GARIN1B: variants seen among roughly 807,000 people sequenced by gnomAD.
The protein encoded by GARIN1B is golgi associated RAB2 interactor 1B, also known as Golgi-associated RAB2 interactor protein 1B.
the GARIN1B span, among the ~76,000 whole-genome samples, chr7:128,717,713 C>T: frequency 9.3e-5 from 14 of 150,362 alleles, no homozygotes; most frequent in Non-Finnish European, 1.3e-4. Context: ...TCCCAAAGTG[C>T]TGGGATTACG....
At chr7:128,726,884 A>C in the GARIN1B span, 1 of 1,613,136 alleles carries the variant, frequency 6.2e-7, no homozygotes, top group South Asian at 1.1e-5. Flanking sequence ...AAGGGAGGGC[A>C]CAGGGTACCA....
the GARIN1B span, among the ~76,000 whole-genome samples, chr7:128,728,313 G>A: frequency 0.019 from 2,886 of 152,140 alleles, 42 homozygotes; most frequent in South Asian, 0.05. Context: ...ATGATGGTGC[G>A]TACCTGTAGT....
the GARIN1B span, among the ~76,000 whole-genome samples, chr7:128,717,444 CT>C: frequency 0.34 from 46,138 of 136,276 alleles, 6,712 homozygotes; most frequent in Admixed American, 0.38. Flanking sequence ...TTCTTTCTTT[CT>C]TTTTTTTTTT....
the GARIN1B span, chr7:128,731,394 G>A: frequency 3.4e-5 from 18 of 526,464 alleles, no homozygotes; most frequent in Non-Finnish European, 5.5e-5. Context: ...GGAGTGAAAG[G>A]GAAGTAGGAC....
At chr7:128,724,678 G>A in the GARIN1B span, 3 of 1,273,222 alleles carry the variant, frequency 2.4e-6, no homozygotes, top group Non-Finnish European at 3.1e-6. Flanking sequence ...ATTACTTATG[G>A]TTTAATAGAA....
the GARIN1B span, among the ~76,000 whole-genome samples, chr7:128,727,901 T>G: frequency 5.3e-5 from 8 of 152,312 alleles, no homozygotes; most frequent in African/African-American, 1.9e-4. Flanking sequence ...ATTTCTTCAG[T>G]GAATACTAAA....
At chr7:128,711,421 G>T in the GARIN1B span, among the ~76,000 whole-genome samples, 1 of 151,890 alleles carries the variant, frequency 6.6e-6, no homozygotes, top group East Asian at 1.9e-4. Flanking sequence ...CTAAAAAGGG[G>T]AATATACTAG....
At chr7:128,730,562 A>G in the GARIN1B span, among the ~76,000 whole-genome samples, 1 of 152,052 alleles carries the variant, frequency 6.6e-6, no homozygotes, top group East Asian at 1.9e-4. Context: ...AGTACTTCCT[A>G]TGTGCCTCTG....
chr7:128,718,872 A>C, the GARIN1B span: 1 of 1,614,182 alleles, frequency 6.2e-7, no homozygotes, highest in Non-Finnish European at 8.5e-7. Context: ...GTATGTGACC[A>C]CTATCAACGC....
the GARIN1B span, among the ~76,000 whole-genome samples, chr7:128,709,913 G>A: frequency 2.0e-5 from 3 of 151,566 alleles, no homozygotes; most frequent in Admixed American, 6.6e-5. Flanking sequence ...CACCACGCCC[G>A]GCTAATTTTT....
chr7:128,716,860 C>T, the GARIN1B span: 1 of 1,613,744 alleles, frequency 6.2e-7, no homozygotes. Context: ...CTTCCAACAC[C>T]ATGGCCCTGG....
the GARIN1B span, chr7:128,729,797 G>A: frequency 8.1e-7 from 1 of 1,227,402 alleles, no homozygotes; most frequent in Non-Finnish European, 1.2e-6. Flanking sequence ...TAATTGTTTG[G>A]AATGGTGCCT....
At chr7:128,710,914 T>C in the GARIN1B span, among the ~76,000 whole-genome samples, 1 of 152,178 alleles carries the variant, frequency 6.6e-6, no homozygotes, top group African/African-American at 2.4e-5. Flanking sequence ...CGCCTCAGCC[T>C]TCCAAAGTGC....
chr7:128,709,966 T>A, the GARIN1B span, among the ~76,000 whole-genome samples: 113 of 152,080 alleles, frequency 7.4e-4, no homozygotes, highest in African/African-American at 2.7e-3. Context: ...TTGGCCAGGC[T>A]GGTCTCGAAC....
At chr7:128,722,463 T>G in the GARIN1B span, among the ~76,000 whole-genome samples, 1 of 152,120 alleles carries the variant, frequency 6.6e-6, no homozygotes, top group South Asian at 2.1e-4. Flanking sequence ...TTTGCCCCGA[T>G]GTAAAAAGCA....
At chr7:128,725,210 T>A in the GARIN1B span, 1 of 158,318 alleles carries the variant, frequency 6.3e-6, no homozygotes, top group African/African-American at 2.4e-5. Context: ...ACTCCATATA[T>A]CATACAGAGC....
chr7:128,725,727 G>A, the GARIN1B span, among the ~76,000 whole-genome samples: 2 of 152,042 alleles, frequency 1.3e-5, no homozygotes, highest in Admixed American at 6.6e-5. Context: ...ATACCTCATT[G>A]GCCACACTCA....
the GARIN1B span, chr7:128,717,067 T>C: frequency 7.2e-7 from 1 of 1,382,836 alleles, no homozygotes; most frequent in Non-Finnish European, 9.8e-7. Flanking sequence ...GTTGCTTGAC[T>C]ACTAAACTCA....
chr7:128,719,142 C>A, the GARIN1B span: 1 of 1,574,476 alleles, frequency 6.4e-7, no homozygotes, highest in South Asian at 1.2e-5. Flanking sequence ...TAGAGCTTAA[C>A]CCAGCTGGTA....
Sources: allele counts gnomAD v4.1 joint callset (sites outside exome capture counted in the v4.1 genomes callset), GRCh38; gene constraint gnomAD v4.1.1; transcripts MANE v1.5; gene names NCBI Gene and HGNC (gene_info 2026-07-23, HGNC 2026-07-21).